The following PATJ variants were observed in gnomAD, a reference collection of about 807,000 sequenced individuals.
PATJ encodes the protein inaD-like protein.
In PATJ, 190 loss-of-function variants were observed where a neutral mutation model predicts 224.9. That is an observed-to-expected ratio of 0.84 (90% CI 0.75 to 0.95). The LOEUF (loss-of-function observed/expected upper bound fraction) is 0.95, where lower values mean the gene tolerates loss of function less well. Ranked by LOEUF, PATJ falls within the 40% of genes least tolerant of loss-of-function variation. PATJ has a pLI of 0.00. For synonymous variants in PATJ, 769 were observed against 820.3 expected (o/e 0.94, Z 1.07); for missense variants, 2,121 against 2,270.3 (o/e 0.93, Z 1.34).
intron 41 of PATJ, among the ~76,000 whole-genome samples, chr1:62,143,737 A>C (rs1449157493): frequency 6.6e-6 from 1 of 152,152 alleles, no homozygotes; most frequent in Non-Finnish European, 1.5e-5. Flanking sequence ...GGCGTGAGCC[A>C]CCACGCTGGC....
At chr1:61,891,399 A>G (rs540997003) in intron 22 of PATJ, among the ~76,000 whole-genome samples, 2 of 152,320 alleles carry the variant, frequency 1.3e-5, no homozygotes, top group South Asian at 4.1e-4. Flanking sequence ...TAAATTCAGA[A>G]CATCAGGAGG....
intron 20 of PATJ, among the ~76,000 whole-genome samples, chr1:61,871,456 C>CATATATATAT (rs1557792901): frequency 2.3e-4 from 9 of 38,658 alleles, no homozygotes; most frequent in African/African-American, 4.7e-4. Flanking sequence ...CATATATATG[C>CATATATATAT]GTATATATAT....
At chr1:61,995,510 G>A (rs1421201127) in intron 28 of PATJ, among the ~76,000 whole-genome samples, 2 of 152,246 alleles carry the variant, frequency 1.3e-5, no homozygotes, top group South Asian at 4.2e-4. Context: ...CTCTTTGAGA[G>A]CCCTGTCCAT....
chr1:61,761,940 G>A (rs1037196380), intron 1 of PATJ, among the ~76,000 whole-genome samples: 7 of 151,876 alleles, frequency 4.6e-5, no homozygotes, highest in African/African-American at 1.7e-4. Flanking sequence ...CTCCTGCCTC[G>A]GCCTCCCAAA....
intron 30 of PATJ, among the ~76,000 whole-genome samples, chr1:62,039,364 A>C (rs1482064809): frequency 2.0e-5 from 3 of 152,206 alleles, no homozygotes; most frequent in African/African-American, 4.8e-5. Context: ...ATATCCAATA[A>C]ATCTGTTTGG....
chr1:62,000,317 A>G (rs1645679242), intron 28 of PATJ, among the ~76,000 whole-genome samples: 1 of 149,800 alleles, frequency 6.7e-6, no homozygotes, highest in African/African-American at 2.5e-5. Context: ...CATTTACGTT[A>G]GGTATATCTC....
intron 17 of PATJ, among the ~76,000 whole-genome samples, chr1:61,847,537 T>G (rs114025761): frequency 0.011 from 1,712 of 152,330 alleles, 28 homozygotes; most frequent in African/African-American, 0.039. Context: ...GAATGTACTT[T>G]GTGGGCACTT....
At chr1:61,856,304 G>A (rs1663656853) in intron 18 of PATJ, 65 bp downstream of exon 18, 4 of 1,339,346 alleles carry the variant, frequency 3.0e-6, no homozygotes, top group Non-Finnish European at 4.3e-6. Context: ...CATGGATTTT[G>A]GAGACACATA....
chr1:61,954,578 A>T (rs1016344021), intron 27 of PATJ, among the ~76,000 whole-genome samples: 6 of 152,198 alleles, frequency 3.9e-5, no homozygotes, highest in African/African-American at 1.4e-4. Context: ...ATCAAAAATT[A>T]AGTAGCAGTT....
chr1:61,853,741 T>G (rs1238764075), intron 17 of PATJ, among the ~76,000 whole-genome samples: 1 of 152,208 alleles, frequency 6.6e-6, no homozygotes, highest in Non-Finnish European at 1.5e-5. Flanking sequence ...GCCACTGTAC[T>G]TTTTGGTTCT....
At chr1:61,895,515 C>G (rs1670234539) in intron 22 of PATJ, among the ~76,000 whole-genome samples, 1 of 152,244 alleles carries the variant, frequency 6.6e-6, no homozygotes, top group Non-Finnish European at 1.5e-5. Context: ...CAGGCTGTTG[C>G]TTCAGAGGGT....
At chr1:61,809,687 A>G (rs1262491287) in intron 14 of PATJ, among the ~76,000 whole-genome samples, 1 of 151,946 alleles carries the variant, frequency 6.6e-6, no homozygotes, top group Non-Finnish European at 1.5e-5. Flanking sequence ...GCGCCAGGCT[A>G]AAAATGTATT....
At chr1:61,980,281 T>G (rs1644379237) in intron 27 of PATJ, among the ~76,000 whole-genome samples, 1 of 151,894 alleles carries the variant, frequency 6.6e-6, no homozygotes, top group African/African-American at 2.4e-5. Flanking sequence ...TGAGACCCTG[T>G]GTCAAAAAAA....
At chr1:61,991,577 G>A (rs1318843866) in intron 28 of PATJ, 21 of 985,318 alleles carry the variant, frequency 2.1e-5, no homozygotes, top group Non-Finnish European at 2.5e-5. Context: ...GAAGACCATC[G>A]CCATCAACTC....
intron 23 of PATJ, among the ~76,000 whole-genome samples, chr1:61,900,548 T>G (rs1670986096): frequency 6.6e-6 from 1 of 151,806 alleles, no homozygotes; most frequent in Non-Finnish European, 1.5e-5. Context: ...GTTCTGAAAG[T>G]CTGTACTTTT....
intron 16 of PATJ, among the ~76,000 whole-genome samples, chr1:61,832,953 G>A (rs528204239): frequency 1.6e-4 from 24 of 152,274 alleles, no homozygotes; most frequent in African/African-American, 5.5e-4. Flanking sequence ...AAAAGACAGG[G>A]AGTCTAGAAT....
In PATJ at chr1:61,769,325, G is replaced by C; in HGVS notation, c.427G>C (p.Gly143Arg). 2 of 1,613,830 alleles carry C rather than the reference G, an allele frequency of 1.2e-6. No homozygotes were observed. The highest frequency in any genetic ancestry group is 1.7e-6 in the Non-Finnish European group (2 of 1,179,950). Residue 143 changes from glycine (G) to arginine (R), a missense_variant, in exon 5 of 44, where the codon GGA (glycine) becomes CGA (arginine). Coordinates refer to ENST00000642238, the MANE Select transcript of PATJ (RefSeq NM_001350145.3). ...EYIDIERPST[G>R]GLGFSVVALR... ...TATAGATATAGAACGGCCTTCAACTGGAGGCCTTGGATTCAGTGTGGTGGC... is the reference window on the plus strand; with the variant it reads ...TATAGATATAGAACGGCCTTCAACTCGAGGCCTTGGATTCAGTGTGGTGGC...
chr1:61,950,707 C>CT (rs750280364), intron 27 of PATJ, among the ~76,000 whole-genome samples: 23 of 151,750 alleles, frequency 1.5e-4, no homozygotes, highest in South Asian at 8.3e-4. Context: ...TATGTTTGTT[C>CT]TTTTTTTTGT....
chr1:61,773,917 G>A (rs1021259474), intron 6 of PATJ, among the ~76,000 whole-genome samples: 5 of 151,850 alleles, frequency 3.3e-5, no homozygotes, highest in South Asian at 2.1e-4. Flanking sequence ...TCAGGAGATC[G>A]AGATCATCCT....
Sources: gnomAD v4.1 joint callset for allele counts (sites outside exome capture counted in the v4.1 genomes callset) on GRCh38, gnomAD v4.1.1 for gene constraint, MANE v1.5 for transcripts, NCBI Gene and HGNC (gene_info 2026-07-23, HGNC 2026-07-21) for gene names.